FBXL17: variants seen among roughly 807,000 people sequenced by gnomAD.
FBXL17 encodes F-box and leucine rich repeat protein 17, also known as F-box/LRR-repeat protein 17.
Under a neutral mutation model 66.2 loss-of-function variants are expected in FBXL17, and 22 were observed. The ratio of observed to expected loss-of-function variants is 0.33; its 90% CI spans 0.24 to 0.47. FBXL17 has a LOEUF of 0.47. Among genes scored for constraint, FBXL17 ranks in the 20% least tolerant of loss-of-function variants. FBXL17 has a pLI of 1.00. For missense variants in FBXL17, 878 were observed against 948.2 expected, an observed-to-expected ratio of 0.93 and a Z score of 0.97; for synonymous variants, 474 against 400.5, an observed-to-expected ratio of 1.18 and a Z score of -2.19.
At chr5:108,154,077 G>A (rs1190689070) in intron 6 of FBXL17, among the ~76,000 whole-genome samples, 1 of 151,846 alleles carries the variant, frequency 6.6e-6, no homozygotes, top group Non-Finnish European at 1.5e-5. Context: ...CTGCTAACTG[G>A]GACATCAGGT....
At chr5:107,946,744 C>A (rs1751314116) in intron 7 of FBXL17, among the ~76,000 whole-genome samples, 1 of 151,556 alleles carries the variant, frequency 6.6e-6, no homozygotes, top group African/African-American at 2.4e-5. Flanking sequence ...CAGTAATATG[C>A]AGAATAGTGT....
chr5:108,181,552 T>A (rs1753004039), intron 6 of FBXL17, among the ~76,000 whole-genome samples: 1 of 152,184 alleles, frequency 6.6e-6, no homozygotes, highest in African/African-American at 2.4e-5. Flanking sequence ...GTCTTTCAAT[T>A]ACTACATATT....
At chr5:108,040,701 A>G (rs1747012014) in intron 6 of FBXL17, among the ~76,000 whole-genome samples, 1 of 152,186 alleles carries the variant, frequency 6.6e-6, no homozygotes, top group South Asian at 2.1e-4. Context: ...CTTGAATTTA[A>G]TATCTTTATC....
At chr5:108,371,162 T>G (rs983182026) in intron 1 of FBXL17, among the ~76,000 whole-genome samples, 4 of 152,188 alleles carry the variant, frequency 2.6e-5, no homozygotes, top group African/African-American at 7.2e-5. Flanking sequence ...CTTTTCTCTT[T>G]TCTCCCTACT....
intron 6 of FBXL17, among the ~76,000 whole-genome samples, chr5:108,160,041 T>C (rs1269359057): frequency 6.6e-6 from 1 of 152,056 alleles, no homozygotes; most frequent in Non-Finnish European, 1.5e-5. Context: ...AACCTTAATC[T>C]CAACAGATTA....
At chr5:108,233,021 T>C (rs770283967) in intron 4 of FBXL17, among the ~76,000 whole-genome samples, 15 of 151,746 alleles carry the variant, frequency 9.9e-5, no homozygotes, top group Non-Finnish European at 2.1e-4. Flanking sequence ...TATATTTTCA[T>C]TTCTCTTGAG....
At position 108,155,514 on chromosome 5, in the gene FBXL17, C is replaced by CA. The variant is rs1056786524; in HGVS notation, c.1745+30602dup. 1.7e-4 allele frequency among the ~76,000 whole-genome samples: 26 copies of CA among 150,318 alleles called. 1 individual carries two copies. In the South Asian group the frequency reaches 2.9e-3, roughly 17 times the overall value. ...TGGGTGACAGAGCAAGACTCCGTCT[C>CA]AAAAAAAAAGAAAAATTTTAGTTGT... On this transcript the variant is annotated intron_variant, in intron 6 of 8. Transcript: ENST00000542267.
chr5:107,926,675 C>T (rs1054677525), intron 7 of FBXL17, among the ~76,000 whole-genome samples: 4 of 151,710 alleles, frequency 2.6e-5, no homozygotes, highest in African/African-American at 7.3e-5. Context: ...GAAGTAAATG[C>T]TTCCTTTTTT....
intron 5 of FBXL17, among the ~76,000 whole-genome samples, chr5:108,220,744 A>C (rs1283972002): frequency 3.9e-5 from 6 of 152,154 alleles, no homozygotes; most frequent in Non-Finnish European, 7.4e-5. Flanking sequence ...TTAGTGGCAA[A>C]TGACATGCAG....
rs1753907495 is a variant in FBXL17 at position 108,006,006 on chromosome 5, C to T, written c.1822+14919G>A. On this transcript the variant is annotated intron_variant, in intron 7 of 8. Coordinates refer to ENST00000542267, the MANE Select transcript of FBXL17 (RefSeq NM_001163315.3). Reference sequence around the variant, plus strand: ...TCCTACAGAAGCTGACCGCCTGACACTGCCCTCTGGCAAGCTAAGGCTCTT... The same window carrying T: ...TCCTACAGAAGCTGACCGCCTGACATTGCCCTCTGGCAAGCTAAGGCTCTT... Among the ~76,000 whole-genome samples the T allele has an allele frequency of 2.0e-5, 3 of 152,358 alleles. No homozygotes were observed. In the South Asian group the frequency reaches 6.2e-4, roughly 32 times the overall value.
intron 4 of FBXL17, among the ~76,000 whole-genome samples, chr5:108,272,289 CA>C (rs889649761): frequency 2.4e-4 from 36 of 148,494 alleles, no homozygotes; most frequent in African/African-American, 8.9e-4. Context: ...ACTCCATCTC[CA>C]AAAAAAATAA....
intron 8 of FBXL17, among the ~76,000 whole-genome samples, chr5:107,862,758 A>G (rs1455017208): frequency 1.3e-5 from 2 of 152,182 alleles, no homozygotes. Flanking sequence ...TTTTGAGCAC[A>G]CTTCTTGATG....
At chr5:108,056,270 C>A (rs750897006) in intron 6 of FBXL17, among the ~76,000 whole-genome samples, 8 of 152,156 alleles carry the variant, frequency 5.3e-5, no homozygotes, top group Non-Finnish European at 1.0e-4. Context: ...AGAGAGAAGC[C>A]AAAGCCTCTG....
chr5:108,039,498 G>C (rs1746968136), intron 6 of FBXL17, among the ~76,000 whole-genome samples: 1 of 151,858 alleles, frequency 6.6e-6, no homozygotes, highest in Admixed American at 6.6e-5. Context: ...GTTTATATAG[G>C]CTAGTTGTAA....
chr5:107,912,772 C>T (rs572935804), intron 7 of FBXL17, among the ~76,000 whole-genome samples: 38 of 152,106 alleles, frequency 2.5e-4, no homozygotes, highest in Admixed American at 1.1e-3. Flanking sequence ...CAGGTTTTTA[C>T]GGGACAATGT....
chr5:108,122,559 C>T (rs987956864), intron 6 of FBXL17, among the ~76,000 whole-genome samples: 1 of 152,012 alleles, frequency 6.6e-6, no homozygotes, highest in African/African-American at 2.4e-5. Flanking sequence ...TGAATGCATA[C>T]AGCAGGAAAG....
chr5:108,262,212 G>C (rs1192703013), intron 4 of FBXL17, among the ~76,000 whole-genome samples: 2 of 151,756 alleles, frequency 1.3e-5, no homozygotes, highest in Admixed American at 1.3e-4. Context: ...AAATAGCTAG[G>C]ACTACAGGTG....
intron 6 of FBXL17, among the ~76,000 whole-genome samples, chr5:108,058,427 TTCTTTCTCTTTCTTTCTTCTC>T (rs1287127393): frequency 3.7e-3 from 261 of 70,844 alleles, no homozygotes; most frequent in African/African-American, 0.012. Flanking sequence ...TCTTTCTTCT[TTCTTTCTCTTTCTTTCTTCTC>T]TCCTTTTCTT....
At chr5:108,058,412 CTCTTTCTTTCT>C (rs1561389908) in intron 6 of FBXL17, among the ~76,000 whole-genome samples, 5 of 28,924 alleles carry the variant, frequency 1.7e-4, no homozygotes, top group Non-Finnish European at 3.6e-4. Context: ...TTCTTTCTTT[CTCTTTCTTTCT>C]TCTTTCTTTC....
Sources: allele counts gnomAD v4.1 joint callset (sites outside exome capture counted in the v4.1 genomes callset), GRCh38; gene constraint gnomAD v4.1.1; transcripts MANE v1.5; gene names NCBI Gene and HGNC (gene_info 2026-07-23, HGNC 2026-07-21).